Variants in C12orf54 observed in about 807,000 individuals in gnomAD.
C12orf54 encodes the protein uncharacterized protein C12orf54.
In C12orf54, 24 loss-of-function variants were observed where a neutral mutation model predicts 26.4. That is an observed-to-expected ratio of 0.91 (90% CI 0.66 to 1.28). The LOEUF (loss-of-function observed/expected upper bound fraction) is 1.28, where lower values mean the gene tolerates loss of function less well. C12orf54 is among the 50% of genes most tolerant of loss of function. C12orf54 has a pLI of 0.00. For synonymous variants in C12orf54, 54 were observed against 47.0 expected (o/e 1.15, Z -0.61); for missense variants, 154 against 150.9 (o/e 1.02, Z -0.11).
the C12orf54 span, among the ~76,000 whole-genome samples, chr12:48,471,439 C>A: frequency 1.3e-5 from 2 of 152,014 alleles, no homozygotes; most frequent in Non-Finnish European, 2.9e-5. Flanking sequence ...AATTTCCTTT[C>A]TTTGGGGCAT....
At chr12:48,487,942 T>C in intron 4 of C12orf54, 1 of 672,164 alleles carries the variant, frequency 1.5e-6, no homozygotes. Flanking sequence ...CTATAGCCGC[T>C]GAGATGTTGA....
the C12orf54 span, among the ~76,000 whole-genome samples, chr12:48,413,818 G>T: frequency 6.6e-6 from 1 of 152,172 alleles, no homozygotes; most frequent in African/African-American, 2.4e-5. Flanking sequence ...GCTTGAGGAT[G>T]AGACCTTGAA....
chr12:48,472,802 A>C, the C12orf54 span: 180,805 of 1,614,008 alleles, frequency 0.11, 21,873 homozygotes, highest in East Asian at 0.63. Context: ...AACTGGAATT[A>C]TTAAATACAA....
chr12:48,457,177 G>C, the C12orf54 span, among the ~76,000 whole-genome samples: 32 of 152,190 alleles, frequency 2.1e-4, no homozygotes, highest in Admixed American at 2.0e-3. Context: ...CAAGCTGGGG[G>C]TGGTATAGAG....
the C12orf54 span, among the ~76,000 whole-genome samples, chr12:48,455,297 A>G: frequency 4.9e-4 from 74 of 152,368 alleles, no homozygotes; most frequent in Non-Finnish European, 9.0e-4. Flanking sequence ...TGATGGCAGC[A>G]TAGTATTCTA....
the C12orf54 span, among the ~76,000 whole-genome samples, chr12:48,447,438 C>T: frequency 3.3e-5 from 5 of 152,254 alleles, no homozygotes; most frequent in African/African-American, 1.2e-4. Context: ...CATCTCTTCT[C>T]AATTCAAAAT....
intron 6 of C12orf54, among the ~76,000 whole-genome samples, chr12:48,491,694 A>G (rs1204882889): frequency 6.6e-6 from 1 of 152,176 alleles, no homozygotes; most frequent in Non-Finnish European, 1.5e-5. Context: ...AAATGCCCAG[A>G]TGCTAATTCT....
At chr12:48,484,307 G>A (rs1226014531) in intron 2 of C12orf54, among the ~76,000 whole-genome samples, 2 of 152,222 alleles carry the variant, frequency 1.3e-5, no homozygotes, top group African/African-American at 4.8e-5. Flanking sequence ...GAGGAATTGA[G>A]AAGACTGAAT....
At chr12:48,432,945 A>G in the C12orf54 span, among the ~76,000 whole-genome samples, 1 of 152,188 alleles carries the variant, frequency 6.6e-6, no homozygotes, top group Non-Finnish European at 1.5e-5. Context: ...TTAAAATCCA[A>G]TAGTATGTAT....
chr12:48,478,875 G>A (rs970727534), upstream of C12orf54, among the ~76,000 whole-genome samples: 3 of 152,318 alleles, frequency 2.0e-5, no homozygotes, highest in South Asian at 2.1e-4. Context: ...AACAGGTGCT[G>A]GAGAGGATGT....
At chr12:48,482,133 A>G (rs574406442), upstream of C12orf54, among the ~76,000 whole-genome samples, 11 of 152,314 alleles carry the variant, frequency 7.2e-5, no homozygotes, top group African/African-American at 2.6e-4. Context: ...TCTAGGTCAA[A>G]GACTTTGGGA....
chr12:48,429,553 A>G, the C12orf54 span, among the ~76,000 whole-genome samples: 3 of 151,722 alleles, frequency 2.0e-5, no homozygotes, highest in Non-Finnish European at 2.9e-5. Context: ...AATCAAGAAC[A>G]CAACCCCTTT....
chr12:48,479,573 C>T (rs763067127), upstream of C12orf54, among the ~76,000 whole-genome samples: 1 of 150,660 alleles, frequency 6.6e-6, no homozygotes, highest in Non-Finnish European at 1.5e-5. Flanking sequence ...GTGCTGGAGG[C>T]GTTGCTACAT....
the C12orf54 span, among the ~76,000 whole-genome samples, chr12:48,421,331 A>T: frequency 2.6e-5 from 2 of 78,360 alleles, no homozygotes; most frequent in African/African-American, 8.3e-5. Flanking sequence ...GGGAGGTGCC[A>T]CACATTTTTC....
At chr12:48,484,908 G>A (rs1336834418) in intron 2 of C12orf54, among the ~76,000 whole-genome samples, 1 of 152,078 alleles carries the variant, frequency 6.6e-6, no homozygotes, top group Non-Finnish European at 1.5e-5. Context: ...GGCATGGTTT[G>A]GATTTGCAAT....
At chr12:48,472,622 G>A in the C12orf54 span, 1 of 1,609,786 alleles carries the variant, frequency 6.2e-7, no homozygotes. Flanking sequence ...TTTATTGGTT[G>A]AATTCCGCTG....
rs1322054593 is a variant in C12orf54 at position 48,488,960 on chromosome 12, A to G, written c.168+4A>G. The G allele has an allele frequency of 1.9e-6, 3 of 1,611,298 alleles. No individual in the cohort carries two copies. The highest frequency in any genetic ancestry group is 2.2e-5 in the East Asian group (1 of 44,822). Reference sequence around the variant, plus strand: ...TTTTAAGGATATACAAAAGGAGGTGAGATTAGATTTTGATTCTCTGAATTC... The same window carrying G: ...TTTTAAGGATATACAAAAGGAGGTGGGATTAGATTTTGATTCTCTGAATTC... On this transcript the variant is annotated splice_donor_region_variant and intron_variant, in intron 5 of 8. Coordinates refer to ENST00000548364, the MANE Select transcript of C12orf54 (RefSeq NM_152319.4).
the C12orf54 span, among the ~76,000 whole-genome samples, chr12:48,435,804 A>G: frequency 6.6e-6 from 1 of 152,246 alleles, no homozygotes; most frequent in African/African-American, 2.4e-5. Flanking sequence ...CTGCAAAAAC[A>G]TGCCAAATTG....
the C12orf54 span, among the ~76,000 whole-genome samples, chr12:48,419,753 T>C: frequency 4.8e-4 from 73 of 152,220 alleles, no homozygotes; most frequent in African/African-American, 1.7e-3. Flanking sequence ...ATAACTCTTG[T>C]TATCCCCAGT....
Sources: gnomAD v4.1 joint callset for allele counts (sites outside exome capture counted in the v4.1 genomes callset) on GRCh38, gnomAD v4.1.1 for gene constraint, MANE v1.5 for transcripts, NCBI Gene and HGNC (gene_info 2026-07-23, HGNC 2026-07-21) for gene names.